The following SP1 variants were observed in gnomAD, a reference collection of about 807,000 sequenced individuals.
SP1 encodes the protein Sp1 transcription factor.
SP1 carries 6 observed loss-of-function variants against 66.3 expected under a neutral mutation model. That is an observed-to-expected ratio of 0.09 (90% confidence interval 0.05 to 0.18). The LOEUF (loss-of-function observed/expected upper bound fraction) is 0.18, where lower values mean the gene tolerates loss of function less well. Ranked by LOEUF, SP1 falls within the 10% of genes least tolerant of loss-of-function variation. The pLI is 1.00. For missense variants in SP1, 848 were observed against 964.5 expected (o/e 0.88, Z 1.60); for synonymous variants, 417 against 360.8 (o/e 1.16, Z -1.77).
chr12:53,410,516 GTTTTTTT>G (rs996647095), intron 5 of SP1, among the ~76,000 whole-genome samples: 7 of 147,258 alleles, frequency 4.8e-5, no homozygotes, highest in African/African-American at 1.7e-4. Context: ...TTTGTTTTTT[GTTTTTTT>G]TTTGAGACAG....
chr12:53,386,634 G>A (rs1292814765), intron 3 of SP1, among the ~76,000 whole-genome samples: 4 of 151,950 alleles, frequency 2.6e-5, no homozygotes, highest in African/African-American at 9.7e-5. Context: ...TGGGATTACA[G>A]GCGTGTGCCA....
Position 53,382,969 on chromosome 12 carries a change from T to A in SP1, c.1022T>A (p.Phe341Tyr). Reference protein sequence around the residue: ...TTTSNMGIMNFTTSGSSGTNS... With the variant: ...TTTSNMGIMNYTTSGSSGTNS... The stretch of plus-strand genomic sequence containing the variant: ...ACCAGCAACATGGGAATTATGAACT[T>A]TACTACCAGTGGATCATCAGGGACC... The change falls in exon 3 of 6, where the codon TTT (phenylalanine) becomes TAT (tyrosine). Residue 341 changes from phenylalanine (F) to tyrosine (Y), a missense_variant. Physicochemically the swap from Phe to Tyr is conservative, Grantham distance 22. Around this residue, in one of 7 missense-constraint regions of SP1, gnomAD observed 606 missense variants for 589.9 expected, o/e 1.03. Transcript: ENST00000327443. 1 of 1,614,102 alleles carries A rather than the reference T, an allele frequency of 6.2e-7. No individual in the cohort carries two copies.
intron 3 of SP1, among the ~76,000 whole-genome samples, chr12:53,399,824 T>G (rs1181730769): frequency 6.7e-6 from 1 of 148,608 alleles, no homozygotes; most frequent in African/African-American, 2.5e-5. Context: ...AGAGACGGGG[T>G]TTTTCCGTGT....
At chr12:53,402,421 A>T (rs1938626491) in intron 3 of SP1, among the ~76,000 whole-genome samples, 1 of 150,218 alleles carries the variant, frequency 6.7e-6, no homozygotes, top group Non-Finnish European at 1.5e-5. Context: ...AAGGGGTTTC[A>T]CCATCTTGGC....
intron 3 of SP1, among the ~76,000 whole-genome samples, chr12:53,405,561 T>G (rs1448215815): frequency 6.6e-6 from 1 of 151,994 alleles, no homozygotes; most frequent in Non-Finnish European, 1.5e-5. Context: ...TTGCAGCTAC[T>G]TGGGAGGCTA....
rs1376964352 is a variant in SP1 at position 53,416,317 on chromosome 12, C to G, written c.*5077C>G. The G allele has an allele frequency of 1.4e-5, 2 of 147,902 alleles. No homozygotes were observed. The highest frequency in any genetic ancestry group is 6.8e-5 in the Admixed American group (1 of 14,712). The allele number at this position is 147,902 out of a possible 1,614,324, so 9.2% of individuals were successfully genotyped here. A position where few individuals can be genotyped will look rare whatever the true frequency, so the allele number is the denominator to read the frequency against. Reference sequence around the variant, plus strand: ...TTTTGTATCTTCCTTTCTTGTCTTTCCTCCTACCTTTTGTCTCTTGGTGTT... The same window carrying G: ...TTTTGTATCTTCCTTTCTTGTCTTTGCTCCTACCTTTTGTCTCTTGGTGTT... On this transcript the variant is annotated 3_prime_UTR_variant, in exon 6 of 6. Transcript: ENST00000327443.
At chr12:53,404,461 G>A (rs1458013464) in intron 3 of SP1, among the ~76,000 whole-genome samples, 2 of 150,418 alleles carry the variant, frequency 1.3e-5, no homozygotes, top group Non-Finnish European at 2.9e-5. Context: ...AAAATCGCTT[G>A]AACCCAGGAG....
At chr12:53,405,858 A>G (rs896699944) in intron 3 of SP1, among the ~76,000 whole-genome samples, 1 of 151,982 alleles carries the variant, frequency 6.6e-6, no homozygotes, top group Admixed American at 6.6e-5. Context: ...TTTAAAAACT[A>G]TGATCGGGGG....
At chr12:53,386,521 T>C (rs1222569433) in intron 3 of SP1, among the ~76,000 whole-genome samples, 3 of 125,742 alleles carry the variant, frequency 2.4e-5, no homozygotes, top group African/African-American at 4.4e-5. Flanking sequence ...TGAGTCTTGC[T>C]CTGTTGCCCA....
At position 53,394,575 on chromosome 12, in the gene SP1, C is replaced by T. The variant is rs373618733; in HGVS notation, c.1675+10953C>T. Among the ~76,000 whole-genome samples, 140 of 39,162 alleles carry T rather than the reference C, an allele frequency of 3.6e-3. No individual in the cohort carries two copies. In the Middle Eastern group the frequency reaches 0.044, roughly 12 times the overall value. 25.7% of individuals were successfully genotyped at this position (39,162 alleles called of 152,430 possible). A position where few individuals can be genotyped will look rare whatever the true frequency, so the allele number is the denominator to read the frequency against. ...CGGCCACTGTGCTGCGTGGTCTTTT[C>T]TTTTCTTCTTTTTTTTTTTTGGAGA... On this transcript the variant is annotated intron_variant, in intron 3 of 5. Transcript: ENST00000327443.
chr12:53,380,337 G>C, intron 1 of SP1, 39 bp downstream of exon 1: 1 of 1,499,166 alleles, frequency 6.7e-7, no homozygotes, highest in Non-Finnish European at 9.0e-7. Flanking sequence ...GGTGGGAGGC[G>C]AGTGAGGGGG....
chr12:53,409,398 T>C lies in SP1; in HGVS notation c.1881T>C (p.Ile627=). 6.2e-7 allele frequency: 1 copy of C among 1,614,064 alleles called. No individual in the cohort carries two copies. The highest frequency in any genetic ancestry group is 8.5e-7 in the Non-Finnish European group (1 of 1,180,020). Residue 627 remains isoleucine, a synonymous_variant, in exon 5 of 6, where the codon ATT becomes ATC. Coordinates refer to ENST00000327443, the MANE Select transcript of SP1 (RefSeq NM_138473.3). ...SGDPGKKKQH[I]CHIQGCGKVY... ...ATCCTGGCAAAAAGAAACAGCATAT[T>C]TGCCACATCCAAGGCTGTGGGAAAG... is the stretch of plus-strand genomic sequence containing the variant.
intron 3 of SP1, among the ~76,000 whole-genome samples, chr12:53,402,011 C>T (rs984463514): frequency 2.0e-5 from 3 of 152,272 alleles, no homozygotes; most frequent in East Asian, 3.9e-4. Flanking sequence ...CGCAGTTTTA[C>T]TGATGGAGAA....
intron 3 of SP1, among the ~76,000 whole-genome samples, chr12:53,393,650 T>G (rs1329632384): frequency 6.7e-6 from 1 of 149,754 alleles, no homozygotes; most frequent in African/African-American, 2.5e-5. Context: ...CAGGCTGGAG[T>G]GCAATGGTGC....
chr12:53,383,409 C>A lies in SP1; in HGVS notation c.1462C>A (p.Gln488Lys). 1 of 1,614,214 alleles carries A rather than the reference C, an allele frequency of 6.2e-7. No individual in the cohort carries two copies. Among genetic ancestry groups the A allele is most frequent in the Non-Finnish European group, 8.5e-7 (1 of 1,180,016 alleles). Residue 488 changes from glutamine to lysine, a missense_variant, in exon 3 of 6, where the codon CAG (glutamine) becomes AAG (lysine). This residue lies in a region of SP1 where 606 missense variants were observed against 589.9 expected (regional missense o/e 1.03). Coordinates refer to ENST00000327443, the MANE Select transcript of SP1 (RefSeq NM_138473.3). ...QAQTITLAPMQGVSLGQTSSS... is the reference protein window; with the variant it reads ...QAQTITLAPMKGVSLGQTSSS... ...CCAAACAATCACCTTAGCCCCAATG[C>A]AGGGTGTTTCCTTGGGGCAGACCAG...
chr12:53,381,148 C>A (rs2136885430), intron 1 of SP1, among the ~76,000 whole-genome samples: 1 of 151,926 alleles, frequency 6.6e-6, no homozygotes, highest in Admixed American at 6.6e-5. Context: ...GACAGGGTTT[C>A]TCCATGTTGG....
chr12:53,398,673 GT>G (rs533767008), intron 3 of SP1, among the ~76,000 whole-genome samples: 5 of 152,200 alleles, frequency 3.3e-5, no homozygotes, highest in Non-Finnish European at 7.3e-5. Context: ...AACTGTGGTT[GT>G]GCACAAAGGA....
chr12:53,392,163 T>A (rs1003907321), intron 3 of SP1, among the ~76,000 whole-genome samples: 22 of 152,124 alleles, frequency 1.4e-4, no homozygotes, highest in Admixed American at 2.6e-4. Flanking sequence ...AATAAATAAT[T>A]TAACCACTTA....
rs79515838 is a variant in SP1 at position 53,387,414 on chromosome 12, T to G, written c.1675+3792T>G. 1.9e-3 allele frequency among the ~76,000 whole-genome samples: 284 copies of G among 152,352 alleles called. 1 individual carries two copies. Among genetic ancestry groups the G allele is most frequent in the Admixed American group, 4.3e-3 (65 of 15,278 alleles). ...GGTAAATCTAGGGGGAAAGTCTGCTTAAGTTCCCTGATTTCTTACATTCCT... is the reference window on the plus strand; with the variant it reads ...GGTAAATCTAGGGGGAAAGTCTGCTGAAGTTCCCTGATTTCTTACATTCCT... On this transcript the variant is annotated intron_variant, in intron 3 of 5. Transcript: ENST00000327443.
Sources: gnomAD v4.1 joint callset for allele counts (sites outside exome capture counted in the v4.1 genomes callset) on GRCh38, gnomAD v4.1.1 for gene constraint, gnomAD v4.1.1 regional missense constraint, MANE v1.5 for transcripts, NCBI Gene and HGNC (gene_info 2026-07-23, HGNC 2026-07-21) for gene names.